Variants in RSRP1 observed in about 807,000 individuals in gnomAD.
RSRP1 encodes the protein arginine and serine rich protein 1, also known as arginine/serine-rich protein 1.
A neutral mutation model predicts 33.0 loss-of-function variants in RSRP1; 37 were observed. That is an observed-to-expected ratio of 1.12 (90% confidence interval 0.86 to 1.48). The LOEUF is 1.48. RSRP1 is among the 40% of genes most tolerant of loss of function. The probability of loss-of-function intolerance (pLI) is 0.00; values close to 1 mark genes in which losing one functional copy is unlikely to be tolerated. For synonymous variants in RSRP1, 167 were observed against 158.7 expected (o/e 1.05, Z -0.40); for missense variants, 402 against 385.3 (o/e 1.04, Z -0.36).
chr1:25,257,061 A>C (rs950963644), intron 1 of RSRP1, among the ~76,000 whole-genome samples: 4 of 152,172 alleles, frequency 2.6e-5, no homozygotes, highest in Admixed American at 2.6e-4. Flanking sequence ...TTTTATTGCT[A>C]TATTACTTTT....
At chr1:25,295,797 T>C (rs2986163) in intron 1 of RSRP1, among the ~76,000 whole-genome samples, 1 of 97,320 alleles carries the variant, frequency 1.0e-5, no homozygotes, top group African/African-American at 3.4e-5. Flanking sequence ...TCAAGGGAGC[T>C]GGGGATGTTT....
At chr1:25,300,575 C>A (rs2986167) in intron 1 of RSRP1, among the ~76,000 whole-genome samples, 3 of 127,294 alleles carry the variant, frequency 2.4e-5, no homozygotes, top group Admixed American at 1.5e-4. Context: ...TTTGGGAGGC[C>A]GAGGCGGGTG....
intron 1 of RSRP1, among the ~76,000 whole-genome samples, chr1:25,268,670 G>A (rs1640400425): frequency 1.5e-5 from 2 of 130,372 alleles, no homozygotes; most frequent in African/African-American, 5.2e-5. Flanking sequence ...GTCAGAGGCC[G>A]GGCACAGTGG....
Position 25,246,910 on chromosome 1 carries a change from C to A in RSRP1, c.54G>T (p.Ser18=), listed in dbSNP as rs781465447. 4 of 1,600,248 alleles carry A rather than the reference C, an allele frequency of 2.5e-6. No individual in the cohort carries two copies. Among genetic ancestry groups the A allele is most frequent in the Non-Finnish European group, 2.6e-6 (3 of 1,170,672 alleles). Residue 18 remains serine (S), a synonymous_variant, in exon 2 of 5, where the codon TCG becomes TCT. Transcript: ENST00000243189. ...ACCCGCCCGACCGCGAGGTCGAGGG[C>A]GAATCCTTCTCCTGCGGCGAGCCCG... The part of the protein sequence containing the change: ...MWPGSPQEKD[S]PSTSRSGGSS...
intron 1 of RSRP1, chr1:25,272,696 G>T: frequency 6.9e-7 from 1 of 1,444,898 alleles, no homozygotes; most frequent in Non-Finnish European, 9.7e-7. Flanking sequence ...TCCTATCAAG[G>T]TGAGAGTTCA....
At position 25,332,162 on chromosome 1, in the gene RSRP1, G is replaced by A. The variant is rs1263915598; in HGVS notation, c.-67+5816C>T. 7.2e-5 allele frequency among the ~76,000 whole-genome samples: 9 copies of A among 124,526 alleles called. 1 individual carries two copies. The highest frequency in any genetic ancestry group is 1.5e-4 in the Non-Finnish European group (8 of 53,078). The allele number at this position is 124,526 out of a possible 152,430, so 81.7% of individuals were successfully genotyped here. ...AGCGATTCTCCCACCTCTGCCTCCC[G>A]TGTAGCTGGGATCACAGGCACACGC... On this transcript the variant is annotated intron_variant, in intron 1 of 1. Coordinates refer to the RSRP1 transcript ENST00000561867.
At chr1:25,297,059 G>GA (rs1643015292) in intron 1 of RSRP1, among the ~76,000 whole-genome samples, 1 of 129,492 alleles carries the variant, frequency 7.7e-6, no homozygotes, top group Admixed American at 7.5e-5. Context: ...ATCTTTTCTA[G>GA]AAAAAAATAT....
rs1227350292 is a variant in RSRP1, at chr1:25,320,507, G to T, written c.-67+17471C>A. Among the ~76,000 whole-genome samples, 2 of 132,092 alleles carry T rather than the reference G, an allele frequency of 1.5e-5. 1 individual carries two copies. The highest frequency in any genetic ancestry group is 3.6e-5 in the Non-Finnish European group (2 of 55,774). 86.7% of individuals were successfully genotyped at this position (132,092 alleles called of 152,430 possible). A position where few individuals can be genotyped will look rare whatever the true frequency, so the allele number is the denominator to read the frequency against. ...AACTGCGTCATGCTGGTTGTACCCT[G>T]CATGCCAATATCAGCTAAAAGCAGC... is the stretch of plus-strand genomic sequence containing the variant. On this transcript the variant is annotated intron_variant, in intron 1 of 1. Transcript: ENST00000561867.
At position 25,278,205 on chromosome 1, in the gene RSRP1, G is replaced by T. The variant is rs535115040; in HGVS notation, c.-66-31176C>A. On this transcript the variant is annotated intron_variant, in intron 1 of 1. Coordinates refer to the RSRP1 transcript ENST00000561867. ...CTGTACTTGATGAAAAGAGTGGGGA[G>T]TTAAGGCTGGCTGCAGATGTATGAT... 6.3e-4 allele frequency among the ~76,000 whole-genome samples: 82 copies of T among 129,982 alleles called. 6 individuals are homozygous for T. The highest frequency in any genetic ancestry group is 1.8e-3 in the African/African-American group (69 of 38,200). The allele number at this position is 129,982 out of a possible 152,430, so 85.3% of individuals were successfully genotyped here.
intron 1 of RSRP1, among the ~76,000 whole-genome samples, chr1:25,271,941 T>G (rs1363541429): frequency 3.8e-5 from 5 of 132,108 alleles, no homozygotes; most frequent in Admixed American, 3.7e-4. Flanking sequence ...ACACATAGAT[T>G]TAAATACAAA....
rs1344986172 is a variant in RSRP1 at position 25,283,333 on chromosome 1, C to G, written c.-66-36304G>C. 1.5e-5 allele frequency among the ~76,000 whole-genome samples: 2 copies of G among 131,488 alleles called. 1 individual carries two copies. Among genetic ancestry groups the G allele is most frequent in the African/African-American group, 5.2e-5 (2 of 38,522 alleles). The allele number at this position is 131,488 out of a possible 152,430, so 86.3% of individuals were successfully genotyped here. ...ATCACTTGAGGTCAGGAGTTCGAGACCAGCTTGGCCAACATAGCGAAACCC... is the reference window on the plus strand; with the variant it reads ...ATCACTTGAGGTCAGGAGTTCGAGAGCAGCTTGGCCAACATAGCGAAACCC... On this transcript the variant is annotated intron_variant, in intron 1 of 1. Transcript: ENST00000561867.
rs150624790 is a variant in RSRP1 at position 25,270,795 on chromosome 1, C to G, written c.-66-23766G>C. 3.5e-4 allele frequency among the ~76,000 whole-genome samples: 46 copies of G among 131,956 alleles called. 1 individual carries two copies. The East Asian group carries it at 8.6e-3, about 25-fold the overall frequency. The allele number at this position is 131,956 out of a possible 152,430, so 86.6% of individuals were successfully genotyped here. A position where few individuals can be genotyped will look rare whatever the true frequency, so the allele number is the denominator to read the frequency against. On this transcript the variant is annotated intron_variant, in intron 1 of 1. Transcript: ENST00000561867. ...TGTAATAAATCCTAATAGTACCCAT[C>G]CCAGTGTCATGAACTAAGTTCATAT... is the stretch of plus-strand genomic sequence containing the variant.
chr1:25,300,916 A>G, intron 1 of RSRP1: 1 of 1,374,612 alleles, frequency 7.3e-7, no homozygotes, highest in East Asian at 2.2e-5. Flanking sequence ...GGATGCCGAC[A>G]CTCACTGCTC....
At chr1:25,248,701 A>G (rs1639665997), upstream of RSRP1, among the ~76,000 whole-genome samples, 1 of 152,124 alleles carries the variant, frequency 6.6e-6, no homozygotes, top group South Asian at 2.1e-4. Flanking sequence ...TTCACCCCAC[A>G]TCTCCGCAGT....
rs1452704520 is a variant in RSRP1 at position 25,301,767 on chromosome 1, C to A, written c.-67+36211G>T. ...ATTTATGCCCCTCCCCACCCCAGGG[C>A]CAGCGTGGGTTGGGAGAGGGCATGC... is the stretch of plus-strand genomic sequence containing the variant. On this transcript the variant is annotated intron_variant, in intron 1 of 1. Coordinates refer to the RSRP1 transcript ENST00000561867. 4.8e-6 allele frequency: 5 copies of A among 1,040,618 alleles called. 2 individuals carry two copies. The highest frequency in any genetic ancestry group is 3.6e-5 in the Admixed American group (2 of 55,066). The allele number at this position is 1,040,618 out of a possible 1,614,324, so 64.5% of individuals were successfully genotyped here.
intron 1 of RSRP1, among the ~76,000 whole-genome samples, chr1:25,254,274 T>C (rs1259336124): frequency 2.0e-5 from 3 of 152,164 alleles, no homozygotes; most frequent in Non-Finnish European, 2.9e-5. Context: ...TGTGGAAATA[T>C]CAGGCTTGCA....
At chr1:25,263,674 C>A (rs1640229968) in intron 1 of RSRP1, among the ~76,000 whole-genome samples, 1 of 151,526 alleles carries the variant, frequency 6.6e-6, no homozygotes, top group East Asian at 1.9e-4. Context: ...TGGCCCCTCC[C>A]AAATTTCATG....
intron 1 of RSRP1, among the ~76,000 whole-genome samples, chr1:25,289,940 T>C (rs1642347840): frequency 7.7e-6 from 1 of 130,696 alleles, no homozygotes; most frequent in Non-Finnish European, 1.8e-5. Context: ...GGCTAGCGTC[T>C]TTTCAGAAGT....
At chr1:25,309,143 A>T (rs1360551131) in intron 1 of RSRP1, among the ~76,000 whole-genome samples, 1 of 131,584 alleles carries the variant, frequency 7.6e-6, no homozygotes, top group Non-Finnish European at 1.8e-5. Flanking sequence ...CACAAACAAT[A>T]TTTCCCAATT....
Sources: allele counts gnomAD v4.1 joint callset (sites outside exome capture counted in the v4.1 genomes callset), GRCh38; gene constraint gnomAD v4.1.1; transcripts MANE v1.5; gene names NCBI Gene and HGNC (gene_info 2026-07-23, HGNC 2026-07-21).